The following DISP3 variants were observed in gnomAD, a reference collection of about 807,000 sequenced individuals.
DISP3 encodes the protein protein dispatched homolog 3.
A neutral mutation model predicts 135.3 loss-of-function variants in DISP3; 101 were observed. The ratio of observed to expected loss-of-function variants is 0.75; its 90% CI spans 0.64 to 0.88. The LOEUF is 0.88. Ranked by LOEUF, DISP3 falls within the 40% of genes least tolerant of loss-of-function variation. The probability of loss-of-function intolerance (pLI) is 0.00; values close to 1 mark genes in which losing one functional copy is unlikely to be tolerated. For synonymous variants in DISP3, 856 were observed against 817.0 expected, an observed-to-expected ratio of 1.05 and a Z score of -0.81; for missense variants, 1,713 against 1,878.6, an observed-to-expected ratio of 0.91 and a Z score of 1.63.
In DISP3 at chr1:11,519,953, C is replaced by G; in HGVS notation, c.2200+73C>G. ...AAAACACACAGGAACTGGGAGCCCA[C>G]CCCCTCTCGCAGATGCCCCAGGGTC... On this transcript the variant is annotated intron_variant, in intron 9 of 20. Coordinates refer to ENST00000294484, the MANE Select transcript of DISP3 (RefSeq NM_020780.2). The surrounding 1 kb of genome is among the most constrained non-coding windows in gnomAD (Gnocchi z 4.3). The G allele has an allele frequency of 6.2e-6, 9 of 1,456,514 alleles. No homozygotes were observed. Among genetic ancestry groups the G allele is most frequent in the Non-Finnish European group, 7.4e-6 (8 of 1,075,172 alleles). The allele number at this position is 1,456,514 out of a possible 1,614,324, so 90.2% of individuals were successfully genotyped here.
intron 1 of DISP3, among the ~76,000 whole-genome samples, chr1:11,488,637 CTGTGTGTG>C (rs5772457): frequency 2.2e-4 from 32 of 146,420 alleles, no homozygotes; most frequent in African/African-American, 6.8e-4. Context: ...GGCAGATGCT[CTGTGTGTG>C]TGTGTGTGTG....
rs138920205 is a variant in DISP3 at position 11,523,661 on chromosome 1, G to A, written c.2363-281G>A. On this transcript the variant is annotated intron_variant, in intron 10 of 20. Transcript: ENST00000294484. ...AGAGTGGCACAGAGACAGCAAGCAGGGGGCAGAGTGGCACAGAGAGGGCGA... is the reference window on the plus strand; with the variant it reads ...AGAGTGGCACAGAGACAGCAAGCAGAGGGCAGAGTGGCACAGAGAGGGCGA... 4.1e-3 allele frequency among the ~76,000 whole-genome samples: 619 copies of A among 151,926 alleles called. 7 individuals are homozygous for A. Among genetic ancestry groups the A allele is most frequent in the African/African-American group, 0.014 (597 of 41,414 alleles).
In DISP3 at chr1:11,516,376, G is replaced by A. The variant is rs186853520; in HGVS notation, c.1749+215G>A. On this transcript the variant is annotated intron_variant, in intron 6 of 20. Transcript: ENST00000294484. This position sits in a 1 kb window ranked among gnomAD's most constrained non-coding sequence, Gnocchi z 5.1. ...AATAATCCAGACAGCATGCATTAGGGATCCTCAGTAGTAGTAATCCAGCCT... is the reference window on the plus strand; with the variant it reads ...AATAATCCAGACAGCATGCATTAGGAATCCTCAGTAGTAGTAATCCAGCCT... 9.9e-4 allele frequency among the ~76,000 whole-genome samples: 151 copies of A among 152,316 alleles called. No homozygotes were observed. Among genetic ancestry groups the A allele is most frequent in the African/African-American group, 3.3e-3 (139 of 41,562 alleles).
At position 11,501,878 on chromosome 1, in the gene DISP3, G is replaced by A. The variant is rs1487423610; in HGVS notation, c.886G>A (p.Val296Ile). 6.2e-7 allele frequency: 1 copy of A among 1,613,318 alleles called. No individual in the cohort carries two copies. Among genetic ancestry groups the A allele is most frequent in the Non-Finnish European group, 8.5e-7 (1 of 1,179,764 alleles). Residue 296 changes from valine to isoleucine, a missense_variant, in exon 2 of 21, where the codon GTC becomes ATC. Val to Ile is a conservative substitution (Grantham distance 29). Coordinates refer to ENST00000294484, the MANE Select transcript of DISP3 (RefSeq NM_020780.2). This position sits in a 1 kb window ranked among gnomAD's most constrained non-coding sequence, Gnocchi z 4.9. ...CAACATTTTCACCAGTGAGCGCCTG[G>A]TCACGATCCATGAGATCGAGCGCAA... ...ERNIFTSERL[V>I]TIHEIERKIM... is the part of the protein sequence containing the mutation.
Position 11,516,159 on chromosome 1 carries a change from C to T in DISP3, c.1747C>T (p.Gln583Ter). 6.2e-7 allele frequency: 1 copy of T among 1,613,430 alleles called. No individual in the cohort carries two copies. The highest frequency in any genetic ancestry group is 8.5e-7 in the Non-Finnish European group (1 of 1,179,604). ...AAAYAANVFS[Q>*]IPAVHDFGLF... ...CGCCTACGCAGCTAACGTCTTCTCC[C>T]AGGTGCGGACCTGTCCTCCATTCCT... Residue 583 changes from glutamine (Q) to a stop codon, truncating the protein, a stop_gained and splice_region_variant, in exon 6 of 21, where the codon CAG (glutamine) becomes TAG (stop). Coordinates refer to ENST00000294484, the MANE Select transcript of DISP3 (RefSeq NM_020780.2). LOFTEE classifies it high-confidence loss of function. This position sits in a 1 kb window ranked among gnomAD's most constrained non-coding sequence, Gnocchi z 5.1.
In DISP3 at chr1:11,501,604, G is replaced by T. The variant is rs766436765; in HGVS notation, c.612G>T (p.Arg204=). Residue 204 remains arginine (R), a synonymous_variant, in exon 2 of 21, where the codon CGG becomes CGT. Transcript: ENST00000294484. This position sits in a 1 kb window ranked among gnomAD's most constrained non-coding sequence, Gnocchi z 4.9. Reference sequence around the variant, plus strand: ...CAGCCAATCGGAGCGGGCGACTTCGGCGTGAGACCCCGCCCCTGGAGGATC... The same window carrying T: ...CAGCCAATCGGAGCGGGCGACTTCGTCGTGAGACCCCGCCCCTGGAGGATC... ...KPTANRSGRL[R]RETPPLEDLA... is the part of the protein sequence containing the mutation. 1.9e-6 allele frequency: 3 copies of T among 1,602,272 alleles called. No individual in the cohort carries two copies. The African/African-American group carries it at 4.0e-5, about 21-fold the overall frequency.
Position 11,519,133 on chromosome 1 carries a change from C to A in DISP3, c.1890-222C>A, listed in dbSNP as rs1642095840. ...TCTTCCTGGGTAATGTTTGCTGTCA[C>A]CATTTGTCTCTCTGGAGGAAGACTG... is the stretch of plus-strand genomic sequence containing the variant. On this transcript the variant is annotated intron_variant, in intron 7 of 20. Coordinates refer to ENST00000294484, the MANE Select transcript of DISP3 (RefSeq NM_020780.2). The surrounding 1 kb of genome is among the most constrained non-coding windows in gnomAD (Gnocchi z 4.3). 6.6e-6 allele frequency among the ~76,000 whole-genome samples: 1 copy of A among 152,142 alleles called. No individual in the cohort carries two copies. The highest frequency in any genetic ancestry group is 6.5e-5 in the Admixed American group (1 of 15,270).
intron 5 of DISP3, 64 bp from the exon 6 acceptor site, chr1:11,515,937 G>A (rs2100454541): frequency 6.3e-7 from 1 of 1,576,564 alleles, no homozygotes; most frequent in East Asian, 2.2e-5. Flanking sequence ...TCTAGGGCCA[G>A]GTTGGGCCTA....
chr1:11,536,707 C>A lies in DISP3; in HGVS notation c.*21C>A, dbSNP rs1476158828. 1.3e-6 allele frequency: 2 copies of A among 1,510,816 alleles called. No homozygotes were observed. Among genetic ancestry groups the A allele is most frequent in the Non-Finnish European group, 1.8e-6 (2 of 1,131,758 alleles). The allele number at this position is 1,510,816 out of a possible 1,614,324, so 93.6% of individuals were successfully genotyped here. On this transcript the variant is annotated 3_prime_UTR_variant, in exon 21 of 21. Transcript: ENST00000294484. This position sits in a 1 kb window ranked among gnomAD's most constrained non-coding sequence, Gnocchi z 4.3. ...TATAGCCCGGGACGGGCTCTGGACA[C>A]TTGCACCTTTGGTCCCATGGGTGGG...
Position 11,491,543 on chromosome 1 carries a change from C to T in DISP3, c.-3-9447C>T, listed in dbSNP as rs573143057. Among the ~76,000 whole-genome samples the T allele has an allele frequency of 1.2e-4, 18 of 151,960 alleles. No individual in the cohort carries two copies. The highest frequency in any genetic ancestry group is 3.9e-4 in the African/African-American group (16 of 41,460). On this transcript the variant is annotated intron_variant, in intron 1 of 20. Transcript: ENST00000294484. The surrounding 1 kb of genome is among the most constrained non-coding windows in gnomAD (Gnocchi z 4.3). ...GGAGGACCACTCGAGCCCGGGAGGTCGAGGCTGCAGTGAACCATCATAGTG... is the reference window on the plus strand; with the variant it reads ...GGAGGACCACTCGAGCCCGGGAGGTTGAGGCTGCAGTGAACCATCATAGTG...
rs72866416 is a variant in DISP3 at position 11,531,794 on chromosome 1, C to T, written c.3375+84C>T. On this transcript the variant is annotated intron_variant, in intron 17 of 20. Coordinates refer to ENST00000294484, the MANE Select transcript of DISP3 (RefSeq NM_020780.2). This position sits in a 1 kb window ranked among gnomAD's most constrained non-coding sequence, Gnocchi z 5.2. ...TCTGATCCCAGCCCTCTTCCCAGAT[C>T]GGGGGGGAGATGCTGAGGCCCAGAG... is the stretch of plus-strand genomic sequence containing the variant. The T allele has an allele frequency of 1.2e-4, 182 of 1,495,186 alleles. 3 individuals carry two copies. In the South Asian group the frequency reaches 1.6e-3, roughly 13 times the overall value. The allele number at this position is 1,495,186 out of a possible 1,614,324, so 92.6% of individuals were successfully genotyped here. A position where few individuals can be genotyped will look rare whatever the true frequency, so the allele number is the denominator to read the frequency against.
intron 1 of DISP3, among the ~76,000 whole-genome samples, chr1:11,487,175 T>C (rs1641059237): frequency 6.6e-6 from 1 of 152,048 alleles, no homozygotes; most frequent in African/African-American, 2.4e-5. Context: ...CTTGTCCTCA[T>C]CCCCCCAGTC....
In DISP3 at chr1:11,525,061, C is replaced by A. The variant is rs896288293; in HGVS notation, c.2477-115C>A. ...GGCACAGCCAGCATTTTGAGATGAG[C>A]CCAAGGCCAGGACTGAGCTCGTTAG... On this transcript the variant is annotated intron_variant, in intron 11 of 20. Transcript: ENST00000294484. 2.3e-6 allele frequency: 3 copies of A among 1,323,620 alleles called. No homozygotes were observed. In the African/African-American group the frequency reaches 4.4e-5, roughly 19 times the overall value. The allele number at this position is 1,323,620 out of a possible 1,614,324, so 82.0% of individuals were successfully genotyped here. A position where few individuals can be genotyped will look rare whatever the true frequency, so the allele number is the denominator to read the frequency against.
At chr1:11,498,277 G>A (rs1230584654) in intron 1 of DISP3, among the ~76,000 whole-genome samples, 2 of 152,180 alleles carry the variant, frequency 1.3e-5, no homozygotes, top group African/African-American at 2.4e-5. Flanking sequence ...GGCCTCGGCT[G>A]GAAAGACTTC....
At chr1:11,493,702 C>T (rs1207338622) in intron 1 of DISP3, among the ~76,000 whole-genome samples, 1 of 151,140 alleles carries the variant, frequency 6.6e-6, no homozygotes, top group East Asian at 1.9e-4. Context: ...CAAGCCTGGG[C>T]AACAGAGCAA....
At chr1:11,506,784 A>G (rs1641716647) in intron 3 of DISP3, among the ~76,000 whole-genome samples, 1 of 152,046 alleles carries the variant, frequency 6.6e-6, no homozygotes, top group African/African-American at 2.4e-5. Flanking sequence ...GCCTGTGGGT[A>G]TACCTGGTAA....
In DISP3 at chr1:11,490,516, G is replaced by A. The variant is rs867019808; in HGVS notation, c.-3-10474G>A. On this transcript the variant is annotated intron_variant, in intron 1 of 20. Transcript: ENST00000294484. ...ACTCCTGACCTCGGGTGATCTGCCC[G>A]CGTTGGCCTCCCAAAGTGCTGGGAT... Among the ~76,000 whole-genome samples, 6 of 152,280 alleles carry A rather than the reference G, an allele frequency of 3.9e-5. No homozygotes were observed. The South Asian group carries it at 1.0e-3, about 26-fold the overall frequency.
chr1:11,514,283 A>G, intron 3 of DISP3, 107 bp from the exon 4 acceptor site: 2 of 1,321,726 alleles, frequency 1.5e-6, no homozygotes, highest in East Asian at 2.3e-5. Flanking sequence ...AGGTAGAGTC[A>G]CAGGTGAAGT....
Position 11,520,894 on chromosome 1 carries a change from G to C in DISP3, c.2362+46G>C. On this transcript the variant is annotated intron_variant, in intron 10 of 20. Transcript: ENST00000294484. The surrounding 1 kb of genome is among the most constrained non-coding windows in gnomAD (Gnocchi z 4.8). ...GTCCCTGGCCCGCTCAGGTGTCCGG[G>C]TCCCAAAGACTGTTGGTCTGAGAGA... is the stretch of plus-strand genomic sequence containing the variant. The C allele has an allele frequency of 2.6e-6, 4 of 1,536,796 alleles. No homozygotes were observed. Among genetic ancestry groups the C allele is most frequent in the Non-Finnish European group, 3.5e-6 (4 of 1,137,606 alleles).
Sources: gnomAD v4.1 joint callset for allele counts (sites outside exome capture counted in the v4.1 genomes callset) on GRCh38, gnomAD v4.1.1 for gene constraint, Gnocchi (gnomAD v3.1) non-coding constraint, MANE v1.5 for transcripts, NCBI Gene and HGNC (gene_info 2026-07-23, HGNC 2026-07-21) for gene names.